Variants in ZDHHC11B observed in about 807,000 individuals in gnomAD.
ZDHHC11B encodes the protein probable palmitoyltransferase ZDHHC11B.
A neutral mutation model predicts 42.3 loss-of-function variants in ZDHHC11B; 17 were observed. The ratio of observed to expected loss-of-function variants is 0.40; its 90% confidence interval spans 0.27 to 0.60. The LOEUF (loss-of-function observed/expected upper bound fraction) is 0.60. Ranked by LOEUF, ZDHHC11B falls within the 20% of genes least tolerant of loss-of-function variation. ZDHHC11B has a pLI of 0.41. For synonymous variants in ZDHHC11B, 123 were observed against 193.5 expected (o/e 0.64, Z 3.02); for missense variants, 262 against 463.2 (o/e 0.57, Z 3.99).
intron 1 of ZDHHC11B, among the ~76,000 whole-genome samples, chr5:777,211 C>T (rs1311617951): frequency 1.3e-5 from 2 of 152,016 alleles, no homozygotes; most frequent in Middle Eastern, 3.4e-3. Flanking sequence ...AGGAGTGAAG[C>T]CGCGGACTCT....
At chr5:765,731 A>G (rs1243308023) in intron 4 of ZDHHC11B, among the ~76,000 whole-genome samples, 18 of 152,028 alleles carry the variant, frequency 1.2e-4, no homozygotes, top group Non-Finnish European at 2.7e-4. Context: ...CTGCAGCTTC[A>G]TTCCTGAACC....
In ZDHHC11B at chr5:745,462, A is replaced by G. The variant is rs3965373; in HGVS notation, c.785-164T>C. ...CCCTGTGAGGTCAGGATGAGTGCAG[A>G]TGCCTTGTGGGCCCAGGTCTGCAGC... On this transcript the variant is annotated intron_variant, in intron 8 of 13. Coordinates refer to ENST00000508859, the MANE Select transcript of ZDHHC11B (RefSeq NM_001351303.2). Among the ~76,000 whole-genome samples, 950 of 147,164 alleles carry G rather than the reference A, an allele frequency of 6.5e-3. 42 individuals carry two copies. The highest frequency in any genetic ancestry group is 0.01 in the Non-Finnish European group (690 of 66,662).
intron 8 of ZDHHC11B, among the ~76,000 whole-genome samples, chr5:746,905 T>C (rs1205448780): frequency 1.4e-4 from 18 of 125,928 alleles, no homozygotes; most frequent in Non-Finnish European, 2.6e-4. Flanking sequence ...GATGAGACCA[T>C]GTGGCCTCGG....
chr5:766,979 C>T, intron 3 of ZDHHC11B, 60 bp from the exon 4 acceptor site: 4 of 1,572,524 alleles, frequency 2.5e-6, no homozygotes, highest in Non-Finnish European at 3.5e-6. Flanking sequence ...CGGCCCCACC[C>T]ACTGTCAGGG....
chr5:756,003 T>A lies in ZDHHC11B; in HGVS notation c.364A>T (p.Ile122Phe). The A allele has an allele frequency of 8.5e-7, 1 of 1,178,476 alleles. No individual in the cohort carries two copies. 73.0% of individuals were successfully genotyped at this position (1,178,476 alleles called of 1,614,324 possible). ...LFDRSKHAHV[I>F]QNQFCHLCKV... ...CACAGGTGGCAGAACTGATTCTGGA[T>A]CACGTGTGCATGTTTTGATCTGTCG... The change falls in exon 5 of 14, where the codon ATC (isoleucine) becomes TTC (phenylalanine). Residue 122 changes from isoleucine to phenylalanine, a missense_variant. Ile to Phe is a conservative substitution (Grantham distance 21). Coordinates refer to ENST00000508859, the MANE Select transcript of ZDHHC11B (RefSeq NM_001351303.2).
chr5:764,844 AC>A (rs1282165652), intron 4 of ZDHHC11B, among the ~76,000 whole-genome samples: 1 of 151,688 alleles, frequency 6.6e-6, no homozygotes, highest in Admixed American at 6.6e-5. Context: ...GACTTGGAGA[AC>A]CTTTATGTCT....
intron 12 of ZDHHC11B, among the ~76,000 whole-genome samples, chr5:721,010 T>C (rs1353309444): frequency 1.3e-5 from 2 of 151,754 alleles, no homozygotes; most frequent in East Asian, 1.9e-4. Context: ...ACTTGGAAGG[T>C]TGAGGTGGAA....
intron 6 of ZDHHC11B, among the ~76,000 whole-genome samples, chr5:753,828 C>T (rs1232790370): frequency 2.0e-5 from 3 of 147,660 alleles, no homozygotes; most frequent in East Asian, 2.2e-4. Flanking sequence ...CCCCCCGGTG[C>T]GTCCTGTGAC....
At chr5:742,388 C>T (rs369645) in intron 9 of ZDHHC11B, among the ~76,000 whole-genome samples, 21 of 144,820 alleles carry the variant, frequency 1.5e-4, no homozygotes, top group East Asian at 4.4e-4. Context: ...TTGTGTATTC[C>T]GGACATCAGT....
chr5:732,767 C>G (rs55724150), intron 11 of ZDHHC11B: 7 of 345,574 alleles, frequency 2.0e-5, no homozygotes, highest in Non-Finnish European at 3.4e-5. Flanking sequence ...TGGAGGCTCA[C>G]GCCTCTAATC....
chr5:746,231 A>G lies in ZDHHC11B; in HGVS notation c.785-933T>C, dbSNP rs1197718112. ...GCCGATGTCTTGTGACTATTTCTGG[A>G]GACTGGGGCGGCCGCCCACAGAGGC... On this transcript the variant is annotated intron_variant, in intron 8 of 13. Coordinates refer to ENST00000508859, the MANE Select transcript of ZDHHC11B (RefSeq NM_001351303.2). Among the ~76,000 whole-genome samples, 55 of 146,548 alleles carry G rather than the reference A, an allele frequency of 3.8e-4. 3 individuals carry two copies. Among genetic ancestry groups the G allele is most frequent in the Non-Finnish European group, 7.7e-4 (51 of 66,434 alleles).
chr5:724,097 G>A (rs1364613842), intron 12 of ZDHHC11B, among the ~76,000 whole-genome samples: 1 of 151,722 alleles, frequency 6.6e-6, no homozygotes, highest in Admixed American at 6.6e-5. Flanking sequence ...CACACATCCT[G>A]TGCTGTGTCA....
intron 1 of ZDHHC11B, among the ~76,000 whole-genome samples, chr5:783,033 G>C (rs1395312819): frequency 6.6e-6 from 1 of 151,914 alleles, no homozygotes; most frequent in Non-Finnish European, 1.5e-5. Flanking sequence ...AACGCAGCCA[G>C]TGACCAGCGG....
chr5:758,841 G>C (rs1734201507), intron 4 of ZDHHC11B, among the ~76,000 whole-genome samples: 2 of 151,906 alleles, frequency 1.3e-5, no homozygotes, highest in African/African-American at 4.8e-5. Flanking sequence ...CTGCGGGTGG[G>C]CTTGGGTCGT....
intron 1 of ZDHHC11B, among the ~76,000 whole-genome samples, chr5:774,910 C>G (rs560637008): frequency 6.6e-6 from 1 of 152,146 alleles, no homozygotes; most frequent in African/African-American, 2.4e-5. Context: ...GTGGCGCCGA[C>G]AGAGCCTACA....
intron 4 of ZDHHC11B, among the ~76,000 whole-genome samples, chr5:756,645 C>T (rs1733895714): frequency 6.6e-6 from 1 of 151,816 alleles, no homozygotes; most frequent in South Asian, 2.1e-4. Flanking sequence ...AGGAGGTACG[C>T]CCCAGGTGTA....
chr5:759,350 C>T (rs144284184), intron 4 of ZDHHC11B, among the ~76,000 whole-genome samples: 24 of 152,066 alleles, frequency 1.6e-4, no homozygotes, highest in Middle Eastern at 3.4e-3. Flanking sequence ...ACAGCCCCTA[C>T]TCCTGGGGCC....
intron 6 of ZDHHC11B, among the ~76,000 whole-genome samples, chr5:754,618 CA>C (rs1746360903): frequency 2.2e-5 from 2 of 91,444 alleles, no homozygotes; most frequent in African/African-American, 4.1e-5. Context: ...ACCTCTCGTC[CA>C]TCTGCGCTGG....
At chr5:744,215 G>C (rs1319919477) in intron 9 of ZDHHC11B, among the ~76,000 whole-genome samples, 1 of 149,836 alleles carries the variant, frequency 6.7e-6, no homozygotes, top group Non-Finnish European at 1.5e-5. Flanking sequence ...CATGCTGCTC[G>C]ATTTGGTTTC....
Sources: gnomAD v4.1 joint callset for allele counts (sites outside exome capture counted in the v4.1 genomes callset) on GRCh38, gnomAD v4.1.1 for gene constraint, MANE v1.5 for transcripts, NCBI Gene and HGNC (gene_info 2026-07-23, HGNC 2026-07-21) for gene names.